Variants in INPP5F observed in about 807,000 individuals in gnomAD.
The protein encoded by INPP5F is inositol polyphosphate-5-phosphatase F, also known as phosphatidylinositide 4-phosphatase SAC2.
A neutral mutation model predicts 137.2 loss-of-function variants in INPP5F; 97 were observed. That is an observed-to-expected ratio of 0.71 (90% confidence interval 0.60 to 0.84). INPP5F has a LOEUF of 0.84. INPP5F is among the 40% of genes least tolerant of loss of function. The probability of loss-of-function intolerance (pLI) is 0.00; values close to 1 mark genes in which losing one functional copy is unlikely to be tolerated. For synonymous variants in INPP5F, 504 were observed against 476.9 expected, an observed-to-expected ratio of 1.06 and a Z score of -0.74; for missense variants, 1,271 against 1,371.9, an observed-to-expected ratio of 0.93 and a Z score of 1.16.
At position 119,787,657 on chromosome 10, in the gene INPP5F, A is replaced by AAGGCAGGC. The variant is rs775953522; in HGVS notation, c.316-3848_316-3841dup. ...AGGGGAAGGGGAGGAGGAAGGGAGG[A>AAGGCAGGC]AGGCAGGCAGGCAGGCAGGAAGGAA... On this transcript the variant is annotated intron_variant, in intron 3 of 19. Transcript: ENST00000650623. This position sits in a 1 kb window ranked among gnomAD's most constrained non-coding sequence, Gnocchi z 4.1. Among the ~76,000 whole-genome samples the AAGGCAGGC allele has an allele frequency of 4.6e-5, 7 of 151,894 alleles. No individual in the cohort carries two copies. Among genetic ancestry groups the AAGGCAGGC allele is most frequent in the Admixed American group, 3.9e-4 (6 of 15,256 alleles).
At chr10:119,799,255 G>C (rs891847409) in intron 9 of INPP5F, 5 of 409,212 alleles carry the variant, frequency 1.2e-5, no homozygotes, top group African/African-American at 1.0e-4. Context: ...TGACCAGTGT[G>C]AATGAGTAAT....
At chr10:119,774,297 C>A (rs1849453938) in intron 2 of INPP5F, among the ~76,000 whole-genome samples, 1 of 150,288 alleles carries the variant, frequency 6.7e-6, no homozygotes, top group Admixed American at 6.6e-5. Flanking sequence ...CCTAGAAGTC[C>A]CATAAGAATT....
chr10:119,827,394 G>C lies in INPP5F; in HGVS notation c.3013G>C (p.Glu1005Gln). 1 of 1,614,160 alleles carries C rather than the reference G, an allele frequency of 6.2e-7. No homozygotes were observed. Residue 1005 changes from glutamate to glutamine, a missense_variant, in exon 20 of 20, where the codon GAA becomes CAA. Glu to Gln is a conservative substitution (Grantham distance 29). This residue lies in a region of INPP5F where 490 missense variants were observed against 443.7 expected (regional missense o/e 1.10). Coordinates refer to ENST00000650623, the MANE Select transcript of INPP5F (RefSeq NM_014937.4). ...AAATGAAACCCAATCAGAATCAACAGAACAGACACCTTCTCGGCCATCGCA... is the reference window on the plus strand; with the variant it reads ...AAATGAAACCCAATCAGAATCAACACAACAGACACCTTCTCGGCCATCGCA... ...VSNETQSEST[E>Q]QTPSRPSQLD... is the part of the protein sequence containing the mutation.
chr10:119,812,049 C>T, intron 15 of INPP5F, 94 bp downstream of exon 15: 1 of 937,314 alleles, frequency 1.1e-6, no homozygotes. Flanking sequence ...AAGCTGTGGG[C>T]ATGGATGCAT....
chr10:119,767,869 T>C (rs1564817286), intron 2 of INPP5F, among the ~76,000 whole-genome samples: 1 of 152,250 alleles, frequency 6.6e-6, no homozygotes, highest in Non-Finnish European at 1.5e-5. Context: ...CATCTAAGTA[T>C]AACCTTAAAA....
intron 15 of INPP5F, among the ~76,000 whole-genome samples, chr10:119,814,905 G>T (rs1028077617): frequency 6.6e-6 from 1 of 151,722 alleles, no homozygotes; most frequent in Admixed American, 6.6e-5. Context: ...TCGCTCTGTC[G>T]CCCAGGCTGG....
intron 2 of INPP5F, among the ~76,000 whole-genome samples, chr10:119,755,209 C>T (rs573814979): frequency 6.6e-6 from 1 of 152,186 alleles, no homozygotes; most frequent in Non-Finnish European, 1.5e-5. Context: ...AAAGTGCCAC[C>T]AGCTGGGTGG....
Position 119,798,614 on chromosome 10 carries a change from G to C in INPP5F, c.1116+4G>C. ...ACTGAACATTTACAAAAAACAGGTGGGCTTTGATTTACAGTAGTAAAATGT... is the reference window on the plus strand; with the variant it reads ...ACTGAACATTTACAAAAAACAGGTGCGCTTTGATTTACAGTAGTAAAATGT... On this transcript the variant is annotated splice_donor_region_variant and intron_variant, in intron 9 of 19. Transcript: ENST00000650623. The C allele has an allele frequency of 1.2e-6, 2 of 1,603,888 alleles. No individual in the cohort carries two copies. Among genetic ancestry groups the C allele is most frequent in the Middle Eastern group, 1.7e-4 (1 of 6,032 alleles).
chr10:119,789,174 G>C (rs1273727600), intron 3 of INPP5F, among the ~76,000 whole-genome samples: 1 of 149,268 alleles, frequency 6.7e-6, no homozygotes. Flanking sequence ...GTGGTGAGCC[G>C]AAACTGCGCC....
At chr10:119,751,048 C>T (rs778575417) in intron 1 of INPP5F, 28 bp from the exon 2 acceptor site, 2 of 1,381,282 alleles carry the variant, frequency 1.4e-6, no homozygotes, top group Non-Finnish European at 2.1e-6. Flanking sequence ...TGAATGTTTT[C>T]TCATCACTGC....
chr10:119,807,195 C>T (rs1850828272), intron 12 of INPP5F, among the ~76,000 whole-genome samples: 1 of 152,172 alleles, frequency 6.6e-6, no homozygotes, highest in African/African-American at 2.4e-5. Context: ...ATCACTTGAA[C>T]CCAGGAGGCG....
chr10:119,762,272 G>T (rs1453239139), intron 2 of INPP5F, among the ~76,000 whole-genome samples: 1 of 152,172 alleles, frequency 6.6e-6, no homozygotes, highest in African/African-American at 2.4e-5. Flanking sequence ...TCTGGAGGCT[G>T]GACAGCCTAA....
Position 119,828,137 on chromosome 10 carries a change from GT to G in INPP5F, c.*362del, listed in dbSNP as rs1851846099. ...ACATGCAGATGCTTAGGGGATTAGC[GT>G]TTTTCATAATTTGTTCTGTTTGTCA... On this transcript the variant is annotated 3_prime_UTR_variant, in exon 20 of 20. Transcript: ENST00000650623. 1 of 171,006 alleles carries G rather than the reference GT, an allele frequency of 5.8e-6. No homozygotes were observed. The highest frequency in any genetic ancestry group is 2.4e-5 in the African/African-American group (1 of 41,758). The allele number at this position is 171,006 out of a possible 1,614,324, so 10.6% of individuals were successfully genotyped here.
Position 119,787,778 on chromosome 10 carries a change from G to C in INPP5F, c.316-3739G>C, listed in dbSNP as rs549233465. Reference sequence around the variant, plus strand: ...CTGCATCTAGAAGCAGACAGTAGCAGGTGGGAATTTGGCCCCTACACAGTA... The same window carrying C: ...CTGCATCTAGAAGCAGACAGTAGCACGTGGGAATTTGGCCCCTACACAGTA... On this transcript the variant is annotated intron_variant, in intron 3 of 19. Transcript: ENST00000650623. The surrounding 1 kb of genome is among the most constrained non-coding windows in gnomAD (Gnocchi z 4.1). Among the ~76,000 whole-genome samples, 5 of 152,246 alleles carry C rather than the reference G, an allele frequency of 3.3e-5. No homozygotes were observed. The highest frequency in any genetic ancestry group is 1.2e-4 in the African/African-American group (5 of 41,542).
At chr10:119,730,627 T>C (rs1848029442) in intron 1 of INPP5F, among the ~76,000 whole-genome samples, 1 of 152,218 alleles carries the variant, frequency 6.6e-6, no homozygotes, top group South Asian at 2.1e-4. Context: ...GATATGACAG[T>C]ATTATATAAT....
intron 19 of INPP5F, 25 bp downstream of exon 19, chr10:119,823,927 A>G: frequency 1.3e-6 from 2 of 1,521,094 alleles, no homozygotes; most frequent in Non-Finnish European, 1.8e-6. Flanking sequence ...TCTCTCAAGA[A>G]TAAAGGCATT....
At chr10:119,772,931 A>G (rs1485471794) in intron 2 of INPP5F, among the ~76,000 whole-genome samples, 2 of 150,220 alleles carry the variant, frequency 1.3e-5, no homozygotes, top group Non-Finnish European at 3.0e-5. Context: ...TGTATTTTTA[A>G]TAGAGATGGG....
At chr10:119,773,224 T>C (rs1414680871) in intron 2 of INPP5F, among the ~76,000 whole-genome samples, 1 of 151,942 alleles carries the variant, frequency 6.6e-6, no homozygotes, top group Non-Finnish European at 1.5e-5. Context: ...GCCCTGCTAA[T>C]TTTTGTATTT....
intron 1 of INPP5F, among the ~76,000 whole-genome samples, chr10:119,729,158 G>A (rs192438916): frequency 2.0e-5 from 3 of 152,090 alleles, no homozygotes; most frequent in Non-Finnish European, 4.4e-5. Context: ...AGGGCGGGGC[G>A]GGCAGTGGAC....
Sources: gnomAD v4.1 joint callset for allele counts (sites outside exome capture counted in the v4.1 genomes callset) on GRCh38, gnomAD v4.1.1 for gene constraint, gnomAD v4.1.1 regional missense constraint, Gnocchi (gnomAD v3.1) non-coding constraint, MANE v1.5 for transcripts, NCBI Gene and HGNC (gene_info 2026-07-23, HGNC 2026-07-21) for gene names.